The following GPR55 variants were observed in gnomAD, a reference collection of about 807,000 sequenced individuals.
GPR55 encodes G protein-coupled receptor 55.
In GPR55, 6 loss-of-function variants were observed where a neutral mutation model predicts 7.9. The ratio of observed to expected loss-of-function variants is 0.76; its 90% CI spans 0.41 to 1.49. The LOEUF (loss-of-function observed/expected upper bound fraction) is 1.49. GPR55 is among the 40% of genes most tolerant of loss of function. The pLI is 0.01. For missense variants in GPR55, 376 were observed against 406.0 expected (o/e 0.93, Z 0.63); for synonymous variants, 183 against 166.8 (o/e 1.10, Z -0.75).
At chr2:230,913,678 T>TC (rs1323160582) in intron 1 of GPR55, among the ~76,000 whole-genome samples, 1 of 152,158 alleles carries the variant, frequency 6.6e-6, no homozygotes, top group Non-Finnish European at 1.5e-5. Context: ...GGTGGCCGCC[T>TC]CCTCACTAAA....
rs1398188881 is a variant in GPR55 at position 230,944,822 on chromosome 2, C to G, written c.-135+15953G>C. On this transcript the variant is annotated intron_variant, in intron 1 of 1. Coordinates refer to the GPR55 transcript ENST00000392039. The surrounding 1 kb of genome is among the most constrained non-coding windows in gnomAD (Gnocchi z 4.2). ...CACGGTATCAAAGACAAGGAAGGCC[C>G]ATTGCCTGCCCTCATGCTGGTTGTT... Among the ~76,000 whole-genome samples the G allele has an allele frequency of 1.3e-5, 2 of 152,220 alleles. No individual in the cohort carries two copies. Among genetic ancestry groups the G allele is most frequent in the Non-Finnish European group, 2.9e-5 (2 of 68,042 alleles).
chr2:230,942,610 C>T (rs1691250939), intron 1 of GPR55, among the ~76,000 whole-genome samples: 1 of 151,504 alleles, frequency 6.6e-6, no homozygotes, highest in Admixed American at 6.6e-5. Flanking sequence ...GAGTGAAGAG[C>T]AGAGAGGGAG....
At chr2:230,942,700 C>T (rs73093108) in intron 1 of GPR55, among the ~76,000 whole-genome samples, 15,847 of 151,928 alleles carry the variant, frequency 0.1, 2,225 homozygotes, top group African/African-American at 0.32. Context: ...GGTCCAAAGG[C>T]CAGGGGCAGC....
Position 230,910,313 on chromosome 2 carries a change from T to A in GPR55, c.650A>T (p.Asp217Val). The change falls in exon 2 of 2, where the codon GAC (aspartate) becomes GTC (valine). Residue 217 changes from aspartate to valine, a missense_variant. By Grantham distance (152) the Asp-to-Val change is radical. Coordinates refer to ENST00000650999, the MANE Select transcript of GPR55 (RefSeq NM_005683.4). The surrounding 1 kb of genome is among the most constrained non-coding windows in gnomAD (Gnocchi z 5.4). ...GATGCAGGCTTTCTGCTGCACCCAG[T>A]CCTGGGTGTGGTCTCGGCGGCCCAG... ...ILLGRRDHTQ[D>V]WVQQKACIYS... The A allele has an allele frequency of 6.2e-7, 1 of 1,613,172 alleles. No individual in the cohort carries two copies. Among genetic ancestry groups the A allele is most frequent in the Non-Finnish European group, 8.5e-7 (1 of 1,179,488 alleles).
At chr2:230,932,748 C>A (rs1241964281) in intron 1 of GPR55, among the ~76,000 whole-genome samples, 1 of 152,216 alleles carries the variant, frequency 6.6e-6, no homozygotes, top group South Asian at 2.1e-4. Flanking sequence ...CACTCTTGCA[C>A]CACCTCCTCG....
chr2:230,955,619 A>G (rs1037337114), intron 1 of GPR55, among the ~76,000 whole-genome samples: 1 of 152,246 alleles, frequency 6.6e-6, no homozygotes, highest in Non-Finnish European at 1.5e-5. Flanking sequence ...ATCAAATACA[A>G]TTCAAATGTA....
In GPR55 at chr2:230,923,723, T is replaced by C. The variant is rs765883619; in HGVS notation, c.-135+1445A>G. On this transcript the variant is annotated intron_variant, in intron 1 of 1. Transcript: ENST00000650999. This position sits in a 1 kb window ranked among gnomAD's most constrained non-coding sequence, Gnocchi z 4.1. ...CACTCCTAGGAGATTGCCCTAATTA[T>C]GCCCATTTTACAGATAAGGACAGTA... Among the ~76,000 whole-genome samples, 1 of 152,148 alleles carries C rather than the reference T, an allele frequency of 6.6e-6. No individual in the cohort carries two copies. The highest frequency in any genetic ancestry group is 1.5e-5 in the Non-Finnish European group (1 of 68,030).
intron 1 of GPR55, among the ~76,000 whole-genome samples, chr2:230,940,977 C>T (rs1348282301): frequency 2.6e-5 from 4 of 152,112 alleles, no homozygotes; most frequent in Non-Finnish European, 4.4e-5. Context: ...ATTAGCCGGA[C>T]GTGGCGGTGT....
chr2:230,957,939 C>A (rs1691517470), intron 1 of GPR55: 4 of 481,456 alleles, frequency 8.3e-6, no homozygotes, highest in Non-Finnish European at 1.7e-5. Flanking sequence ...AAACCAAGGG[C>A]AACAGCAGCA....
At chr2:230,925,579 C>T (rs1559173863), upstream of GPR55, among the ~76,000 whole-genome samples, 2 of 152,316 alleles carry the variant, frequency 1.3e-5, no homozygotes, top group East Asian at 3.9e-4. Flanking sequence ...ACCCCAGACA[C>T]CCTAACAGGG....
At chr2:230,950,921 G>A (rs1157841585) in intron 1 of GPR55, among the ~76,000 whole-genome samples, 2 of 152,122 alleles carry the variant, frequency 1.3e-5, no homozygotes. Flanking sequence ...AACCCCAAGA[G>A]GACAGGGTTC....
chr2:230,931,273 C>A (rs1362159799), intron 1 of GPR55, among the ~76,000 whole-genome samples: 3 of 152,234 alleles, frequency 2.0e-5, no homozygotes, highest in African/African-American at 4.8e-5. Context: ...CCCTGCCTGT[C>A]CTGAGGACCA....
intron 1 of GPR55, among the ~76,000 whole-genome samples, chr2:230,953,641 G>A (rs4972977): frequency 0.062 from 9,369 of 152,256 alleles, 686 homozygotes; most frequent in East Asian, 0.4. Context: ...TTAATATATG[G>A]CAATGTGTTA....
chr2:230,936,623 C>T (rs1314725927), intron 1 of GPR55, among the ~76,000 whole-genome samples: 1 of 152,160 alleles, frequency 6.6e-6, no homozygotes, highest in African/African-American at 2.4e-5. Flanking sequence ...TACGAACATC[C>T]TGTTGGACAG....
intron 1 of GPR55, among the ~76,000 whole-genome samples, chr2:230,956,155 CTTTA>C (rs201807623): frequency 0.067 from 10,147 of 151,258 alleles, 714 homozygotes; most frequent in East Asian, 0.39. Flanking sequence ...ATTTTATTTA[CTTTA>C]TTTATTTATT....
upstream of GPR55, among the ~76,000 whole-genome samples, chr2:230,927,605 C>T (rs145095369): frequency 1.4e-3 from 206 of 152,326 alleles, no homozygotes; most frequent in African/African-American, 4.4e-3. Context: ...GTTTTGGGAG[C>T]CTGGGCAGGT....
At chr2:230,956,155 C>CTTCA (rs1691479879) in intron 1 of GPR55, among the ~76,000 whole-genome samples, 1 of 151,194 alleles carries the variant, frequency 6.6e-6, no homozygotes, top group African/African-American at 2.4e-5. Flanking sequence ...ATTTTATTTA[C>CTTCA]TTTATTTATT....
upstream of GPR55, among the ~76,000 whole-genome samples, chr2:230,926,682 CT>C (rs56318183): frequency 5.6e-3 from 561 of 100,914 alleles, 3 homozygotes; most frequent in African/African-American, 0.015. Flanking sequence ...TGGCTACCTT[CT>C]TTTTTTTTTT....
chr2:230,957,666 A>T, intron 1 of GPR55: 1 of 544,266 alleles, frequency 1.8e-6, no homozygotes. Context: ...TCAGGTGTTG[A>T]AAATATTCCC....
Sources: gnomAD v4.1 joint callset for allele counts (sites outside exome capture counted in the v4.1 genomes callset) on GRCh38, gnomAD v4.1.1 for gene constraint, Gnocchi (gnomAD v3.1) non-coding constraint, MANE v1.5 for transcripts, NCBI Gene and HGNC (gene_info 2026-07-23, HGNC 2026-07-21) for gene names.